CSMD3: variants seen among roughly 807,000 people sequenced by gnomAD.
The protein encoded by CSMD3 is CUB and sushi domain-containing protein 3.
A neutral mutation model predicts 435.2 loss-of-function variants in CSMD3; 177 were observed. The ratio of observed to expected loss-of-function variants is 0.41; its 90% CI spans 0.36 to 0.46. The LOEUF (loss-of-function observed/expected upper bound fraction) is 0.46. Among genes scored for constraint, CSMD3 ranks in the 20% least tolerant of loss-of-function variants. The pLI, the probability that CSMD3 is intolerant of heterozygous loss-of-function variation, is 0.34. For missense variants in CSMD3, 4,265 were observed against 4,504.6 expected (o/e 0.95, Z 1.52); for synonymous variants, 1,656 against 1,520.5 (o/e 1.09, Z -2.07).
intron 5 of CSMD3, among the ~76,000 whole-genome samples, chr8:113,040,084 A>C (rs1345066385): frequency 6.6e-6 from 1 of 152,140 alleles, no homozygotes; most frequent in African/African-American, 2.4e-5. Context: ...GTACAGAGAG[A>C]TATATGGTTA....
rs950783290 is a variant in CSMD3 at position 112,940,197 on chromosome 8, G to A, written c.1508+7593C>T. On this transcript the variant is annotated intron_variant, in intron 9 of 70. Transcript: ENST00000297405. Reference sequence around the variant, plus strand: ...TACATTATACAGTAGTGTTTTAATAGTACCAAATGAGTAGCATGTTCCCTG... The same window carrying A: ...TACATTATACAGTAGTGTTTTAATAATACCAAATGAGTAGCATGTTCCCTG... 2.0e-5 allele frequency among the ~76,000 whole-genome samples: 3 copies of A among 151,536 alleles called. No homozygotes were observed. In the South Asian group the frequency reaches 6.2e-4, roughly 31 times the overall value.
intron 34 of CSMD3, among the ~76,000 whole-genome samples, chr8:112,407,492 G>T (rs1831960864): frequency 6.6e-6 from 1 of 151,940 alleles, no homozygotes; most frequent in Non-Finnish European, 1.5e-5. Context: ...ATTCTAAATA[G>T]ATTAATTCTT....
chr8:112,255,779 C>T (rs982830074), intron 61 of CSMD3: 10 of 278,386 alleles, frequency 3.6e-5, no homozygotes, highest in African/African-American at 1.4e-4. Flanking sequence ...AAGTAGGTGA[C>T]TCATAGGTGT....
At chr8:112,379,793 GT>G (rs2131230655) in intron 38 of CSMD3, among the ~76,000 whole-genome samples, 1 of 152,310 alleles carries the variant, frequency 6.6e-6, no homozygotes, top group South Asian at 2.1e-4. Flanking sequence ...TACCAAAACA[GT>G]GTAGTACCGG....
At chr8:112,780,638 C>A (rs1029990204) in intron 13 of CSMD3, among the ~76,000 whole-genome samples, 1 of 152,058 alleles carries the variant, frequency 6.6e-6, no homozygotes, top group South Asian at 2.1e-4. Context: ...GTGGGGCACA[C>A]AGAATCTGTG....
At chr8:112,458,971 A>G (rs1330532218) in intron 32 of CSMD3, among the ~76,000 whole-genome samples, 4 of 152,140 alleles carry the variant, frequency 2.6e-5, no homozygotes, top group South Asian at 4.1e-4. Context: ...AGGCACATAC[A>G]CAGATCTCAC....
chr8:113,356,012 A>C (rs1330540816), intron 1 of CSMD3, among the ~76,000 whole-genome samples: 1 of 151,378 alleles, frequency 6.6e-6, no homozygotes, highest in African/African-American at 2.4e-5. Flanking sequence ...AAACATAAAT[A>C]TCTTTACTCT....
chr8:113,434,881 C>T (rs1042929488), intron 1 of CSMD3, among the ~76,000 whole-genome samples: 1 of 152,196 alleles, frequency 6.6e-6, no homozygotes, highest in African/African-American at 2.4e-5. Flanking sequence ...CTTCCCTCCC[C>T]CTCATCTGCC....
At chr8:112,531,973 A>G (rs904307034) in intron 27 of CSMD3, among the ~76,000 whole-genome samples, 1 of 152,004 alleles carries the variant, frequency 6.6e-6, no homozygotes. Context: ...GAACTTCAAG[A>G]AACTCAGATA....
chr8:112,872,091 T>G lies in CSMD3; in HGVS notation c.1634-12825A>C, dbSNP rs993567394. On this transcript the variant is annotated intron_variant, in intron 10 of 70. Coordinates refer to ENST00000297405, the MANE Select transcript of CSMD3 (RefSeq NM_198123.2). Reference sequence around the variant, plus strand: ...CTGTTCTCTGAATCAATTAGAATTCTCAGATTCTTGACAGTTGGTCATGAA... The same window carrying G: ...CTGTTCTCTGAATCAATTAGAATTCGCAGATTCTTGACAGTTGGTCATGAA... 2.0e-5 allele frequency among the ~76,000 whole-genome samples: 3 copies of G among 152,178 alleles called. No homozygotes were observed. In the South Asian group the frequency reaches 6.2e-4, roughly 32 times the overall value.
At chr8:112,442,067 C>G (rs1217855248) in intron 32 of CSMD3, among the ~76,000 whole-genome samples, 1 of 152,066 alleles carries the variant, frequency 6.6e-6, no homozygotes, top group Non-Finnish European at 1.5e-5. Flanking sequence ...TAGGTTAGAA[C>G]TTCAGGAAGC....
chr8:112,598,093 T>A (rs1169749736), intron 22 of CSMD3, among the ~76,000 whole-genome samples: 3 of 147,470 alleles, frequency 2.0e-5, no homozygotes, highest in Non-Finnish European at 3.0e-5. Flanking sequence ...TGTTTGCAGA[T>A]GACATGATTG....
At chr8:112,587,343 T>C in intron 22 of CSMD3, 108 bp from the exon 23 acceptor site, 4 of 804,242 alleles carry the variant, frequency 5.0e-6, no homozygotes, top group East Asian at 5.1e-5. Context: ...TAAAGCCTAG[T>C]AGAAAAATAA....
chr8:112,295,154 G>A (rs1395726845), intron 54 of CSMD3, among the ~76,000 whole-genome samples: 5 of 151,896 alleles, frequency 3.3e-5, no homozygotes, highest in Non-Finnish European at 7.4e-5. Flanking sequence ...ATATAGCTAC[G>A]TTACATATGT....
At chr8:112,757,023 C>T (rs1156718507) in intron 13 of CSMD3, among the ~76,000 whole-genome samples, 7 of 152,074 alleles carry the variant, frequency 4.6e-5, no homozygotes, top group Non-Finnish European at 1.5e-5. Flanking sequence ...CCTGCCTCGG[C>T]CTCCCAAAGT....
chr8:112,747,302 C>G (rs771059722), intron 13 of CSMD3, among the ~76,000 whole-genome samples: 5 of 141,682 alleles, frequency 3.5e-5, no homozygotes, highest in Non-Finnish European at 6.0e-5. Context: ...AGTAGACCTA[C>G]TAAGTTAAAT....
chr8:112,899,234 T>C (rs1159338331), intron 10 of CSMD3, among the ~76,000 whole-genome samples: 3 of 151,016 alleles, frequency 2.0e-5, no homozygotes, highest in Non-Finnish European at 4.5e-5. Context: ...TCCCAGACTA[T>C]GCAGAAACTA....
chr8:112,490,842 C>T (rs1195384760), intron 31 of CSMD3, among the ~76,000 whole-genome samples: 1 of 151,810 alleles, frequency 6.6e-6, no homozygotes, highest in African/African-American at 2.4e-5. Flanking sequence ...ATACAGTGAC[C>T]CTTTCTCCTA....
At chr8:112,819,761 G>A (rs1442890992) in intron 12 of CSMD3, among the ~76,000 whole-genome samples, 2 of 152,144 alleles carry the variant, frequency 1.3e-5, no homozygotes, top group Admixed American at 1.3e-4. Context: ...ACTTCTCAGA[G>A]TGACGACATT....
Sources: allele counts gnomAD v4.1 joint callset (sites outside exome capture counted in the v4.1 genomes callset), GRCh38; gene constraint gnomAD v4.1.1; transcripts MANE v1.5; gene names NCBI Gene and HGNC (gene_info 2026-07-23, HGNC 2026-07-21).